The following VEZT variants were observed in gnomAD, a reference collection of about 807,000 sequenced individuals.
VEZT encodes the protein vezatin, adherens junctions transmembrane protein, also known as vezatin.
VEZT carries 39 observed loss-of-function variants against 79.9 expected under a neutral mutation model. That is an observed-to-expected ratio of 0.49 (90% CI 0.38 to 0.64). The LOEUF is 0.64. Among genes scored for constraint, VEZT ranks in the 30% least tolerant of loss-of-function variants. The probability of loss-of-function intolerance (pLI) is 0.00; values close to 1 mark genes in which losing one functional copy is unlikely to be tolerated. For missense variants in VEZT, 837 were observed against 893.1 expected (o/e 0.94, Z 0.80); for synonymous variants, 325 against 327.6 (o/e 0.99, Z 0.09).
intron 1 of VEZT, among the ~76,000 whole-genome samples, chr12:95,243,361 CA>C (rs34891631): frequency 0.31 from 22,857 of 73,256 alleles, 1,555 homozygotes; most frequent in African/African-American, 0.39. Context: ...GACACCATCT[CA>C]AAAAAAAAAA....
intron 1 of VEZT, chr12:95,242,088 A>G (rs1329081341): frequency 6.6e-6 from 1 of 152,226 alleles, no homozygotes; most frequent in Non-Finnish European, 1.5e-5. Flanking sequence ...GTTGATACAC[A>G]TGTGATTAAC....
At chr12:95,258,241 C>G (rs971768449) in intron 3 of VEZT, 2 of 455,570 alleles carry the variant, frequency 4.4e-6, no homozygotes, top group African/African-American at 4.0e-5. Flanking sequence ...CCATTTTTAT[C>G]CAGGTGGAGC....
intron 4 of VEZT, 29 bp from the exon 5 acceptor site, chr12:95,266,328 A>T: frequency 6.3e-7 from 1 of 1,591,680 alleles, no homozygotes; most frequent in Non-Finnish European, 8.6e-7. Flanking sequence ...AATCTGATGC[A>T]TATCATTTTC....
chr12:95,269,859 T>C (rs2066255201), intron 5 of VEZT, 192 bp from the exon 6 acceptor site: 2 of 536,030 alleles, frequency 3.7e-6, no homozygotes. Context: ...TATATACATA[T>C]ATATATATAT....
intron 5 of VEZT, among the ~76,000 whole-genome samples, chr12:95,268,453 G>A (rs768497177): frequency 5.9e-5 from 9 of 152,154 alleles, no homozygotes; most frequent in Non-Finnish European, 8.8e-5. Flanking sequence ...AGCCGAGATC[G>A]CGCTACTGCA....
At chr12:95,253,856 T>C (rs10859860) in intron 2 of VEZT, among the ~76,000 whole-genome samples, 16,334 of 152,104 alleles carry the variant, frequency 0.11, 1,197 homozygotes, top group Non-Finnish European at 0.16. Context: ...TCCCGGCACT[T>C]TGGGAGGCTG....
At chr12:95,220,189 T>A (rs1439970233) in intron 1 of VEZT, among the ~76,000 whole-genome samples, 1 of 152,206 alleles carries the variant, frequency 6.6e-6, no homozygotes, top group East Asian at 1.9e-4. Context: ...GCATGGTGGC[T>A]CACACCTGTA....
intron 1 of VEZT, among the ~76,000 whole-genome samples, chr12:95,234,985 G>T (rs2059825606): frequency 1.3e-5 from 2 of 151,984 alleles, no homozygotes; most frequent in Admixed American, 6.6e-5. Flanking sequence ...TAAGGTCACA[G>T]ATCAACAGGA....
At chr12:95,222,715 G>T (rs2057810067) in intron 1 of VEZT, among the ~76,000 whole-genome samples, 1 of 152,060 alleles carries the variant, frequency 6.6e-6, no homozygotes, top group African/African-American at 2.4e-5. Flanking sequence ...ACCCTACTGA[G>T]ACTTTGATTG....
At chr12:95,236,652 C>T (rs1385904820) in intron 1 of VEZT, among the ~76,000 whole-genome samples, 1 of 151,670 alleles carries the variant, frequency 6.6e-6, no homozygotes, top group Non-Finnish European at 1.5e-5. Context: ...CTCACTGCAC[C>T]CTCCACCTCC....
At chr12:95,243,248 G>A (rs939091239) in intron 1 of VEZT, among the ~76,000 whole-genome samples, 1 of 151,288 alleles carries the variant, frequency 6.6e-6, no homozygotes, top group Non-Finnish European at 1.5e-5. Context: ...GGTGGTGCAT[G>A]CCTGTGGTCC....
intron 5 of VEZT, among the ~76,000 whole-genome samples, chr12:95,267,273 G>A (rs2065715239): frequency 6.6e-6 from 1 of 152,050 alleles, no homozygotes; most frequent in East Asian, 1.9e-4. Context: ...AGTCACTTTT[G>A]CATACAACTA....
chr12:95,235,819 CG>C (rs1194558283), intron 1 of VEZT, among the ~76,000 whole-genome samples: 2 of 150,058 alleles, frequency 1.3e-5, no homozygotes, highest in African/African-American at 2.5e-5. Flanking sequence ...ACTTCTCAGA[CG>C]GGGCGGCTGC....
intron 1 of VEZT, among the ~76,000 whole-genome samples, chr12:95,241,036 GTT>G (rs2060940363): frequency 6.6e-6 from 1 of 151,728 alleles, no homozygotes; most frequent in Admixed American, 6.6e-5. Flanking sequence ...GGATTTTTTT[GTT>G]TTGTTTTTGT....
chr12:95,294,147 G>A lies in VEZT; in HGVS notation c.1523-125G>A, dbSNP rs940651500. 3.0e-5 allele frequency: 20 copies of A among 676,036 alleles called. 1 individual carries two copies. The highest frequency in any genetic ancestry group is 2.5e-4 in the Middle Eastern group (1 of 3,990). 41.9% of individuals were successfully genotyped at this position (676,036 alleles called of 1,614,324 possible). A position where few individuals can be genotyped will look rare whatever the true frequency, so the allele number is the denominator to read the frequency against. ...AGCGATCCTCCTGCCTCAGCCTCCC[G>A]AAGTGCTGGGATTACAGGCATGAGC... is the stretch of plus-strand genomic sequence containing the variant. On this transcript the variant is annotated intron_variant, in intron 9 of 11. Transcript: ENST00000436874.
intron 9 of VEZT, among the ~76,000 whole-genome samples, chr12:95,289,364 C>T (rs1410778025): frequency 3.1e-5 from 4 of 130,952 alleles, no homozygotes; most frequent in Non-Finnish European, 4.6e-5. Flanking sequence ...TTGCAGTGAG[C>T]TGAGATCGTA....
intron 3 of VEZT, among the ~76,000 whole-genome samples, chr12:95,258,672 C>T (rs1593543479): frequency 2.0e-5 from 3 of 152,126 alleles, no homozygotes; most frequent in African/African-American, 4.8e-5. Context: ...TTTTATAGTA[C>T]TTTTCTTAAA....
intron 1 of VEZT, among the ~76,000 whole-genome samples, chr12:95,237,068 A>G (rs2060295290): frequency 6.6e-6 from 1 of 152,236 alleles, no homozygotes; most frequent in Non-Finnish European, 1.5e-5. Flanking sequence ...TATACACAGT[A>G]CTACATTAGA....
intron 9 of VEZT, among the ~76,000 whole-genome samples, chr12:95,289,133 A>T (rs908997289): frequency 1.2e-4 from 17 of 145,244 alleles, no homozygotes; most frequent in East Asian, 4.1e-4. Context: ...AATAAATAAA[A>T]AAGGCCAGGC....
Sources: allele counts gnomAD v4.1 joint callset (sites outside exome capture counted in the v4.1 genomes callset), GRCh38; gene constraint gnomAD v4.1.1; transcripts MANE v1.5; gene names NCBI Gene and HGNC (gene_info 2026-07-23, HGNC 2026-07-21).